The following ANKRD42 variants were observed in gnomAD, a reference collection of about 807,000 sequenced individuals.
ANKRD42 encodes the protein ankyrin repeat domain-containing protein 42.
In ANKRD42, 43 loss-of-function variants were observed where a neutral mutation model predicts 51.5. The observed-to-expected ratio is 0.83, with a 90% confidence interval of 0.65 to 1.08. The LOEUF (loss-of-function observed/expected upper bound fraction) is 1.08. Among genes scored for constraint, ANKRD42 ranks in the 50% least tolerant of loss-of-function variants. The pLI is 0.00. For missense variants in ANKRD42, 608 were observed against 629.3 expected, an observed-to-expected ratio of 0.97 and a Z score of 0.36; for synonymous variants, 203 against 213.0, an observed-to-expected ratio of 0.95 and a Z score of 0.41.
At chr11:83,199,692 G>T (rs915231017) in intron 2 of ANKRD42, among the ~76,000 whole-genome samples, 3 of 152,140 alleles carry the variant, frequency 2.0e-5, no homozygotes, top group African/African-American at 4.8e-5. Context: ...CATTTCCCCA[G>T]CCTATAAGCT....
downstream of ANKRD42, chr11:83,257,406 A>G (rs900229995): frequency 1.8e-5 from 8 of 441,952 alleles, no homozygotes; most frequent in Non-Finnish European, 2.7e-5. Context: ...GTAGGAAAAA[A>G]GAGGGAATTG....
intron 2 of ANKRD42, among the ~76,000 whole-genome samples, chr11:83,200,222 C>G (rs1176346368): frequency 6.6e-6 from 1 of 152,134 alleles, no homozygotes; most frequent in Non-Finnish European, 1.5e-5. Flanking sequence ...TACTCTCACT[C>G]AGTCTACTTT....
intron 1 of ANKRD42, among the ~76,000 whole-genome samples, chr11:83,197,325 C>A (rs1331159656): frequency 1.3e-5 from 2 of 152,088 alleles, no homozygotes; most frequent in Non-Finnish European, 2.9e-5. Context: ...AAATCCATGT[C>A]CATTTTCTAT....
In ANKRD42 at chr11:83,224,863, G is replaced by C; in HGVS notation, c.595G>C (p.Ala199Pro). The change falls in exon 6 of 11, where the codon GCA becomes CCA. Residue 199 changes from alanine to proline, a missense_variant. Physicochemically the swap from Ala to Pro is conservative, Grantham distance 27. Transcript: ENST00000533342. ...DYNGNLPVHL[A>P]AMEGHLHCFK... is the part of the protein sequence containing the mutation. ...TTTTTCCTTTCCTCTAGTTCACTTA[G>C]CAGCCATGGAAGGCCACCTTCACTG... The C allele has an allele frequency of 6.3e-7, 1 of 1,593,260 alleles. No individual in the cohort carries two copies. Among genetic ancestry groups the C allele is most frequent in the Non-Finnish European group, 8.6e-7 (1 of 1,168,508 alleles).
At chr11:83,229,645 A>C (rs904511024) in intron 7 of ANKRD42, among the ~76,000 whole-genome samples, 3 of 152,178 alleles carry the variant, frequency 2.0e-5, no homozygotes, top group Admixed American at 6.5e-5. Context: ...TTCTACAACA[A>C]CAAGGTGTTT....
At chr11:83,209,194 T>C (rs936956903) in intron 3 of ANKRD42, among the ~76,000 whole-genome samples, 15 of 152,230 alleles carry the variant, frequency 9.9e-5, no homozygotes, top group African/African-American at 3.6e-4. Flanking sequence ...GAATTTAACT[T>C]AGCGGCAATT....
At chr11:83,228,796 G>A (rs913933373) in intron 7 of ANKRD42, among the ~76,000 whole-genome samples, 1 of 152,114 alleles carries the variant, frequency 6.6e-6, no homozygotes, top group Non-Finnish European at 1.5e-5. Flanking sequence ...CTCCTACACA[G>A]AGAGAGGTCC....
chr11:83,237,986 A>G (rs1447192422), intron 8 of ANKRD42, among the ~76,000 whole-genome samples: 1 of 152,196 alleles, frequency 6.6e-6, no homozygotes, highest in Non-Finnish European at 1.5e-5. Flanking sequence ...CATACAATAT[A>G]TATTTATGTC....
chr11:83,230,681 G>C (rs1227068632), intron 7 of ANKRD42, among the ~76,000 whole-genome samples: 1 of 152,066 alleles, frequency 6.6e-6, no homozygotes, highest in Non-Finnish European at 1.5e-5. Context: ...ATTTCTCCTG[G>C]GTTCAAGCGA....
chr11:83,208,218 G>GGC (rs1862157854), intron 3 of ANKRD42, among the ~76,000 whole-genome samples: 2 of 148,826 alleles, frequency 1.3e-5, no homozygotes, highest in African/African-American at 5.2e-5. Context: ...TCTGTGGGAG[G>GGC]GGGGGGTCTC....
chr11:83,256,969 G>A (rs1565201880), downstream of ANKRD42, among the ~76,000 whole-genome samples: 1 of 152,156 alleles, frequency 6.6e-6, no homozygotes, highest in Non-Finnish European at 1.5e-5. Flanking sequence ...AGAATTAAGA[G>A]GTAGTAGAGG....
At chr11:83,244,373 G>A (rs541311035) in intron 9 of ANKRD42, among the ~76,000 whole-genome samples, 1 of 152,274 alleles carries the variant, frequency 6.6e-6, no homozygotes, top group East Asian at 1.9e-4. Flanking sequence ...ATTTGATTCA[G>A]GTATATGCAG....
Position 83,193,782 on chromosome 11 carries a change from C to G in ANKRD42, c.-889C>G. 1 of 451,342 alleles carries G rather than the reference C, an allele frequency of 2.2e-6. No homozygotes were observed. Among genetic ancestry groups the G allele is most frequent in the South Asian group, 1.6e-5 (1 of 64,298 alleles). 28.0% of individuals were successfully genotyped at this position (451,342 alleles called of 1,614,324 possible). ...CTGGAGTCGGGAGGCTGGAAAGAGA[C>G]TCCGAGAAAGTACCAGCGGAAGGCG... On this transcript the variant is annotated 5_prime_UTR_variant, in exon 1 of 11. Transcript: ENST00000533342.
chr11:83,263,384 TAAC>T (rs542685130), downstream of ANKRD42, among the ~76,000 whole-genome samples: 74 of 152,336 alleles, frequency 4.9e-4, 1 homozygote, highest in South Asian at 5.4e-3. Context: ...GTTGTTGCAG[TAAC>T]AACAACAATT....
At chr11:83,218,967 T>C (rs1190631001) in intron 5 of ANKRD42, among the ~76,000 whole-genome samples, 1 of 152,256 alleles carries the variant, frequency 6.6e-6, no homozygotes, top group Non-Finnish European at 1.5e-5. Flanking sequence ...TTGTAAGGAA[T>C]ACTGTGGCCA....
intron 7 of ANKRD42, among the ~76,000 whole-genome samples, chr11:83,232,470 A>G (rs893685311): frequency 1.3e-5 from 2 of 152,148 alleles, no homozygotes; most frequent in Non-Finnish European, 2.9e-5. Context: ...GAATTTGCTT[A>G]TCAATTCTAA....
intron 5 of ANKRD42, among the ~76,000 whole-genome samples, chr11:83,219,854 C>T (rs1031306004): frequency 6.6e-6 from 1 of 152,198 alleles, no homozygotes; most frequent in Non-Finnish European, 1.5e-5. Context: ...AGGGAACTGG[C>T]CCTTCAAAAT....
At chr11:83,203,919 A>G (rs373775410) in intron 2 of ANKRD42, among the ~76,000 whole-genome samples, 11 of 152,210 alleles carry the variant, frequency 7.2e-5, no homozygotes, top group South Asian at 4.1e-4. Context: ...CAGAATTTCC[A>G]TCTGGTTCGG....
At chr11:83,206,329 A>G (rs1053255728) in intron 3 of ANKRD42, among the ~76,000 whole-genome samples, 164 bp downstream of exon 3, 1 of 152,286 alleles carries the variant, frequency 6.6e-6, no homozygotes, top group South Asian at 2.1e-4. Context: ...TATCCACTTA[A>G]ACAAATGGTA....
Sources: allele counts gnomAD v4.1 joint callset (sites outside exome capture counted in the v4.1 genomes callset), GRCh38; gene constraint gnomAD v4.1.1; transcripts MANE v1.5; gene names NCBI Gene and HGNC (gene_info 2026-07-23, HGNC 2026-07-21).